The following HS2ST1 variants were observed in gnomAD, a reference collection of about 807,000 sequenced individuals.
HS2ST1 encodes heparan sulfate 2-O-sulfotransferase 1, also known as 2-O-sulfotransferase.
HS2ST1 carries 18 observed loss-of-function variants against 42.9 expected under a neutral mutation model. The ratio of observed to expected loss-of-function variants is 0.42; its 90% CI spans 0.29 to 0.62. HS2ST1 has a LOEUF of 0.62. Ranked by LOEUF, HS2ST1 falls within the 20% of genes least tolerant of loss-of-function variation. The pLI, the probability that HS2ST1 is intolerant of heterozygous loss-of-function variation, is 0.21. For synonymous variants in HS2ST1, 146 were observed against 152.9 expected, an observed-to-expected ratio of 0.95 and a Z score of 0.33; for missense variants, 334 against 433.8, an observed-to-expected ratio of 0.77 and a Z score of 2.04.
rs192449993 is a variant in HS2ST1 at position 87,004,518 on chromosome 1, G to T, written c.125-68416G>T. ...ATATATTTATATATAACATTGTTAA[G>T]GGGCTGTTAGAGGAATGCATCATAC... On this transcript the variant is annotated intron_variant, in intron 1 of 6. Coordinates refer to ENST00000370550, the MANE Select transcript of HS2ST1 (RefSeq NM_012262.4). Among the ~76,000 whole-genome samples, 17 of 152,070 alleles carry T rather than the reference G, an allele frequency of 1.1e-4. No individual in the cohort carries two copies. The East Asian group carries it at 3.3e-3, about 29-fold the overall frequency.
chr1:86,993,209 A>C (rs1570470376), intron 1 of HS2ST1: 2 of 1,506,628 alleles, frequency 1.3e-6, no homozygotes, highest in East Asian at 4.8e-5. Context: ...CTGTGATAAA[A>C]GGTACAGTTT....
intron 1 of HS2ST1, among the ~76,000 whole-genome samples, chr1:86,982,856 C>T (rs1377030859): frequency 6.6e-6 from 1 of 152,202 alleles, no homozygotes; most frequent in Non-Finnish European, 1.5e-5. Context: ...GAAATTTATT[C>T]TGTCAGATAA....
chr1:86,975,282 T>C (rs1648364915), intron 1 of HS2ST1, among the ~76,000 whole-genome samples: 1 of 151,720 alleles, frequency 6.6e-6, no homozygotes. Context: ...GCTTTTTCTT[T>C]TTTTTTTTTT....
chr1:86,953,341 T>G (rs887064874), intron 1 of HS2ST1, among the ~76,000 whole-genome samples: 2 of 152,380 alleles, frequency 1.3e-5, no homozygotes, highest in South Asian at 2.1e-4. Context: ...CTTATCATGG[T>G]GTGTTCACTG....
chr1:86,971,124 T>C (rs538586708), intron 1 of HS2ST1, among the ~76,000 whole-genome samples: 17 of 152,154 alleles, frequency 1.1e-4, no homozygotes, highest in Non-Finnish European at 2.2e-4. Flanking sequence ...GCCTGTTACA[T>C]GTTTGGTTGC....
intron 1 of HS2ST1, among the ~76,000 whole-genome samples, chr1:86,990,705 A>G (rs2892963): frequency 0.9 from 132,504 of 146,596 alleles, 60,159 homozygotes; most frequent in East Asian, 0.99. Flanking sequence ...GTGCAATGGC[A>G]TGATCTTGGT....
chr1:86,989,161 G>A (rs936008250), intron 1 of HS2ST1, among the ~76,000 whole-genome samples: 1 of 152,212 alleles, frequency 6.6e-6, no homozygotes, highest in Non-Finnish European at 1.5e-5. Flanking sequence ...ACAGAAAGGT[G>A]TATTTTAGAG....
chr1:87,075,433 C>A (rs1651516679), intron 2 of HS2ST1, among the ~76,000 whole-genome samples: 1 of 152,084 alleles, frequency 6.6e-6, no homozygotes, highest in Non-Finnish European at 1.5e-5. Context: ...TCCCAAAGTG[C>A]TGGGATTACA....
chr1:87,052,439 C>T lies in HS2ST1; in HGVS notation c.125-20495C>T, dbSNP rs1198992158. The stretch of plus-strand genomic sequence containing the variant: ...TGGTTCTTGAATTCTTGGTTGTACC[C>T]CAAAAATGGTTTCAGTTTAAAAGGG... On this transcript the variant is annotated intron_variant, in intron 1 of 6. Coordinates refer to ENST00000370550, the MANE Select transcript of HS2ST1 (RefSeq NM_012262.4). Among the ~76,000 whole-genome samples the T allele has an allele frequency of 2.6e-5, 4 of 151,842 alleles. No individual in the cohort carries two copies. In the East Asian group the frequency reaches 7.7e-4, roughly 29 times the overall value.
intron 1 of HS2ST1, among the ~76,000 whole-genome samples, chr1:87,030,501 C>G (rs770048446): frequency 3.3e-5 from 5 of 151,918 alleles, no homozygotes; most frequent in Admixed American, 6.6e-5. Context: ...CTGTCTCATT[C>G]ATTCATATAC....
intron 4 of HS2ST1, among the ~76,000 whole-genome samples, chr1:87,093,585 A>G (rs973866062): frequency 2.0e-5 from 3 of 152,054 alleles, no homozygotes; most frequent in African/African-American, 7.2e-5. Flanking sequence ...TTGGATTACC[A>G]GTTTACCTAC....
chr1:87,014,815 A>G (rs889858001), intron 1 of HS2ST1, among the ~76,000 whole-genome samples: 5 of 152,238 alleles, frequency 3.3e-5, no homozygotes, highest in African/African-American at 4.8e-5. Flanking sequence ...TGATCTTTAT[A>G]GCCAAGGATA....
chr1:86,971,129 G>T (rs562292569), intron 1 of HS2ST1, among the ~76,000 whole-genome samples: 109 of 152,194 alleles, frequency 7.2e-4, no homozygotes, highest in African/African-American at 2.5e-3. Flanking sequence ...TTACATGTTT[G>T]GTTGCTAGAG....
chr1:87,030,813 T>A (rs1256989361), intron 1 of HS2ST1, among the ~76,000 whole-genome samples: 3 of 152,230 alleles, frequency 2.0e-5, no homozygotes, highest in Non-Finnish European at 4.4e-5. Context: ...AGAGTAGGAC[T>A]GTAAGAATTT....
intron 1 of HS2ST1, among the ~76,000 whole-genome samples, chr1:86,955,096 C>A (rs1230707331): frequency 6.6e-6 from 1 of 152,114 alleles, no homozygotes; most frequent in Non-Finnish European, 1.5e-5. Flanking sequence ...ATGTACAAAT[C>A]TTAAGTGTAC....
intron 1 of HS2ST1, among the ~76,000 whole-genome samples, chr1:86,976,290 G>T (rs1369853751): frequency 1.3e-5 from 2 of 152,156 alleles, no homozygotes; most frequent in Non-Finnish European, 2.9e-5. Flanking sequence ...AATTTTTAAA[G>T]TTGTTGCCAT....
chr1:87,040,900 C>T (rs1650503725), intron 1 of HS2ST1, among the ~76,000 whole-genome samples: 1 of 152,020 alleles, frequency 6.6e-6, no homozygotes, highest in Admixed American at 6.5e-5. Context: ...GTGAGTTCCC[C>T]ACCATTGGTG....
At chr1:87,102,080 A>T (rs1418492070) in intron 5 of HS2ST1, among the ~76,000 whole-genome samples, 4 of 151,896 alleles carry the variant, frequency 2.6e-5, no homozygotes, top group African/African-American at 7.3e-5. Context: ...TTTTTGAGAC[A>T]AAGTTTTGCT....
chr1:87,094,304 G>A (rs970281586), intron 4 of HS2ST1, among the ~76,000 whole-genome samples: 9 of 151,936 alleles, frequency 5.9e-5, no homozygotes, highest in Admixed American at 2.0e-4. Context: ...GTGGTTCCTA[G>A]CCTGTGTAGT....
Sources: allele counts gnomAD v4.1 joint callset (sites outside exome capture counted in the v4.1 genomes callset), GRCh38; gene constraint gnomAD v4.1.1; transcripts MANE v1.5; gene names NCBI Gene and HGNC (gene_info 2026-07-23, HGNC 2026-07-21).